GGA2: variants seen among roughly 807,000 people sequenced by gnomAD.
GGA2 encodes ADP-ribosylation factor-binding protein GGA2.
Under a neutral mutation model 79.5 loss-of-function variants are expected in GGA2, and 48 were observed. The ratio of observed to expected loss-of-function variants is 0.60; its 90% CI spans 0.48 to 0.77. The LOEUF (loss-of-function observed/expected upper bound fraction) is 0.77, where lower values mean the gene tolerates loss of function less well. GGA2 is among the 30% of genes least tolerant of loss of function. The pLI is 0.00. For missense variants in GGA2, 770 were observed against 774.0 expected, an observed-to-expected ratio of 0.99 and a Z score of 0.06; for synonymous variants, 317 against 302.0, an observed-to-expected ratio of 1.05 and a Z score of -0.51.
At chr16:23,488,847 C>T (rs1052217082) in intron 5 of GGA2, 138 bp from the exon 6 acceptor site, 8 of 605,246 alleles carry the variant, frequency 1.3e-5, no homozygotes, top group Non-Finnish European at 2.3e-5. Context: ...AAAGACAACA[C>T]CCAGTGTATG....
chr16:23,513,554 C>T (rs1385454094), upstream of GGA2, among the ~76,000 whole-genome samples: 5 of 152,020 alleles, frequency 3.3e-5, 1 homozygote, highest in South Asian at 4.1e-4. Flanking sequence ...GAGGCTGAGG[C>T]GTGCAGATCA....
At chr16:23,517,921 T>C (rs1244062278) in intron 2 of GGA2, among the ~76,000 whole-genome samples, 2 of 147,516 alleles carry the variant, frequency 1.4e-5, no homozygotes, top group African/African-American at 5.0e-5. Context: ...TATTTACTTA[T>C]TTATTTTTAT....
chr16:23,517,553 C>A (rs1437633205), intron 2 of GGA2, among the ~76,000 whole-genome samples: 1 of 151,230 alleles, frequency 6.6e-6, no homozygotes, highest in East Asian at 2.0e-4. Context: ...TCTATTGAAT[C>A]TGGGTTTTAT....
chr16:23,467,451 A>ACCCAGAGT lies in GGA2; in HGVS notation c.*138_*139insACTCTGGG. On this transcript the variant is annotated 3_prime_UTR_variant, in exon 17 of 17. Transcript: ENST00000309859. The stretch of plus-strand genomic sequence containing the variant: ...ACACACACAGAGCATCTGCAGAATA[A>ACCCAGAGT]GTCAGAGGTTGACACCCAGAGCCTG... 1 of 557,380 alleles carries ACCCAGAGT rather than the reference A, an allele frequency of 1.8e-6. No homozygotes were observed. The highest frequency in any genetic ancestry group is 3.2e-6 in the Non-Finnish European group (1 of 308,220). The allele number at this position is 557,380 out of a possible 1,614,324, so 34.5% of individuals were successfully genotyped here. A position where few individuals can be genotyped will look rare whatever the true frequency, so the allele number is the denominator to read the frequency against.
chr16:23,491,830 A>G, intron 4 of GGA2, 30 bp from the exon 5 acceptor site: 1 of 1,556,802 alleles, frequency 6.4e-7, no homozygotes, highest in Non-Finnish European at 8.9e-7. Flanking sequence ...AGAATTCTAG[A>G]GCTGGAAGGG....
chr16:23,513,445 C>T (rs138443228), upstream of GGA2, among the ~76,000 whole-genome samples: 20 of 152,176 alleles, frequency 1.3e-4, no homozygotes, highest in East Asian at 3.7e-3. Flanking sequence ...AAAACCTAGA[C>T]ATATTACTCC....
intron 13 of GGA2, among the ~76,000 whole-genome samples, 143 bp downstream of exon 13, chr16:23,478,199 AAAAAAAAAAAAAAAAGAAAAAAAGAC>A (rs1356710049): frequency 6.9e-6 from 1 of 145,096 alleles, no homozygotes; most frequent in Admixed American, 6.9e-5. Flanking sequence ...ACCCCGTCTC[AAAAAAAAAAAAAAAAGAAAAAAAGAC>A]AAAAAAAAAA....
intron 9 of GGA2, 136 bp from the exon 10 acceptor site, chr16:23,480,906 TGTCATCGGACCCTATCAGGCCTA>T: frequency 1.2e-6 from 1 of 803,144 alleles, no homozygotes; most frequent in Non-Finnish European, 2.1e-6. Flanking sequence ...CTCCAGGTTG[TGTCATCGGACCCTATCAGGCCTA>T]GTCAGTTAAC....
chr16:23,491,641 T>A, intron 5 of GGA2, 36 bp downstream of exon 5: 1 of 1,604,288 alleles, frequency 6.2e-7, no homozygotes. Context: ...ACAGGCCTAG[T>A]CAAGAGGAAA....
At position 23,466,796 on chromosome 16, in the gene GGA2, G is replaced by A. The variant is rs994641780; in HGVS notation, c.*794C>T. 5 of 152,990 alleles carry A rather than the reference G, an allele frequency of 3.3e-5. No individual in the cohort carries two copies. The East Asian group carries it at 5.8e-4, about 18-fold the overall frequency. 9.5% of individuals were successfully genotyped at this position (152,990 alleles called of 1,614,324 possible). A position where few individuals can be genotyped will look rare whatever the true frequency, so the allele number is the denominator to read the frequency against. On this transcript the variant is annotated 3_prime_UTR_variant, in exon 17 of 17. Transcript: ENST00000309859. ...AGTAAATGCTGTGAAGGAAGAGGAT[G>A]AGGATGGAGATGAGGATCCTGAGAA...
intron 12 of GGA2, 31 bp from the exon 13 acceptor site, chr16:23,478,532 C>T (rs1302737520): frequency 2.5e-6 from 4 of 1,599,592 alleles, no homozygotes; most frequent in Non-Finnish European, 3.4e-6. Context: ...AAAATAAGAC[C>T]AGGGTATGAA....
At chr16:23,502,880 T>C (rs1187302615) in intron 1 of GGA2, among the ~76,000 whole-genome samples, 1 of 152,242 alleles carries the variant, frequency 6.6e-6, no homozygotes, top group African/African-American at 2.4e-5. Flanking sequence ...TTTCTGAGAC[T>C]TTCTTTTTTT....
intron 9 of GGA2, 47 bp downstream of exon 9, chr16:23,482,876 T>C (rs767132563): frequency 9.3e-7 from 1 of 1,071,806 alleles, no homozygotes. Flanking sequence ...GGACCGAGTC[T>C]GTCTTGCACC....
intron 2 of GGA2, among the ~76,000 whole-genome samples, chr16:23,495,040 G>A (rs933474642): frequency 2.7e-5 from 4 of 150,792 alleles, no homozygotes; most frequent in East Asian, 2.0e-4. Flanking sequence ...AGCTGAGATC[G>A]TGCCCTTGCA....
chr16:23,512,700 CTTTTTTTTT>C (rs34027000), upstream of GGA2, among the ~76,000 whole-genome samples: 6 of 55,932 alleles, frequency 1.1e-4, no homozygotes, highest in South Asian at 9.0e-4. Context: ...TAAAGAAAAT[CTTTTTTTTT>C]TTTTTTTTTT....
chr16:23,475,399 G>A (rs1484356145), intron 13 of GGA2, among the ~76,000 whole-genome samples: 3 of 151,136 alleles, frequency 2.0e-5, no homozygotes, highest in African/African-American at 4.9e-5. Context: ...CACGTTGGCC[G>A]CGCTGGTCTC....
chr16:23,470,004 C>T lies in GGA2; in HGVS notation c.1612G>A (p.Val538Met). 6.5e-7 allele frequency: 1 copy of T among 1,550,270 alleles called. No homozygotes were observed. The highest frequency in any genetic ancestry group is 8.7e-7 in the Non-Finnish European group (1 of 1,148,010). Residue 538 changes from valine (V) to methionine (M), a missense_variant, in exon 15 of 17, where the codon GTG (valine) becomes ATG (methionine). Coordinates refer to ENST00000309859, the MANE Select transcript of GGA2 (RefSeq NM_015044.4). Reference sequence around the variant, plus strand: ...CCCAACAGATGACTCACCTTTGGCACAGCCACTTGAAACATGATATCCCAG... The same window carrying T: ...CCCAACAGATGACTCACCTTTGGCATAGCCACTTGAAACATGATATCCCAG... ...PVWDIMFQVA[V>M]PKSMRVKLQP...
At chr16:23,493,331 AG>A in intron 4 of GGA2, 28 bp downstream of exon 4, 1 of 1,305,844 alleles carries the variant, frequency 7.7e-7, no homozygotes, top group African/African-American at 1.4e-5. Context: ...GGTGCGACAC[AG>A]TCAGCAGAGC....
intron 1 of GGA2, chr16:23,501,488 G>C: frequency 2.5e-6 from 1 of 403,338 alleles, no homozygotes; most frequent in South Asian, 1.8e-5. Flanking sequence ...CGACCTGTGT[G>C]CCTTGGCAAA....
Sources: gnomAD v4.1 joint callset for allele counts (sites outside exome capture counted in the v4.1 genomes callset) on GRCh38, gnomAD v4.1.1 for gene constraint, MANE v1.5 for transcripts, NCBI Gene and HGNC (gene_info 2026-07-23, HGNC 2026-07-21) for gene names.